Variants in ABCB10 observed in about 807,000 individuals in gnomAD.
ABCB10 encodes the protein ATP-binding cassette sub-family B member 10, mitochondrial.
A neutral mutation model predicts 65.4 loss-of-function variants in ABCB10; 54 were observed. That is an observed-to-expected ratio of 0.83 (90% confidence interval 0.66 to 1.04). The LOEUF is 1.04. Ranked by LOEUF, ABCB10 falls within the 50% of genes least tolerant of loss-of-function variation. The pLI, the probability that ABCB10 is intolerant of heterozygous loss-of-function variation, is 0.00. For synonymous variants in ABCB10, 418 were observed against 406.5 expected, an observed-to-expected ratio of 1.03 and a Z score of -0.34; for missense variants, 846 against 976.6, an observed-to-expected ratio of 0.87 and a Z score of 1.78.
At chr1:229,553,188 G>A (rs1464003722) in intron 1 of ABCB10, among the ~76,000 whole-genome samples, 2 of 152,012 alleles carry the variant, frequency 1.3e-5, no homozygotes, top group East Asian at 3.9e-4. Context: ...TCAGCTCACT[G>A]CAACCTCCAC....
rs1483408148 is a variant in ABCB10 at position 229,518,362 on chromosome 1, T to A, written c.2034A>T (p.Arg678=). 6.2e-7 allele frequency: 1 copy of A among 1,614,216 alleles called. No homozygotes were observed. Among genetic ancestry groups the A allele is most frequent in the Non-Finnish European group, 8.5e-7 (1 of 1,180,040 alleles). ...CTAACACCGTTCTTCCATCCATCAG[T>A]CGATCTAGAGCTTCTTGAACAAGGT... is the stretch of plus-strand genomic sequence containing the variant. The part of the protein sequence containing the change: ...NEYLVQEALD[R]LMDGRTVLVI... Residue 678 remains arginine, a synonymous_variant, in exon 13 of 13, where the codon CGA becomes CGT. Coordinates refer to ENST00000344517, the MANE Select transcript of ABCB10 (RefSeq NM_012089.3).
intron 6 of ABCB10, among the ~76,000 whole-genome samples, chr1:229,539,027 T>C (rs1381395305): frequency 6.6e-6 from 1 of 152,244 alleles, no homozygotes; most frequent in African/African-American, 2.4e-5. Flanking sequence ...TAATTTTGAA[T>C]ATGGTCGACT....
intron 10 of ABCB10, among the ~76,000 whole-genome samples, chr1:229,521,969 T>C (rs1662326500): frequency 6.6e-6 from 1 of 151,562 alleles, no homozygotes; most frequent in Non-Finnish European, 1.5e-5. Flanking sequence ...TGGGCTCAAG[T>C]GATCCTCCCA....
intron 6 of ABCB10, among the ~76,000 whole-genome samples, chr1:229,536,422 A>T (rs1164022183): frequency 6.6e-6 from 1 of 152,072 alleles, no homozygotes; most frequent in African/African-American, 2.4e-5. Context: ...CGGAAGGATC[A>T]CTTGAGCCCA....
rs750438122 is a variant in ABCB10 at position 229,530,377 on chromosome 1, C to A, written c.1467G>T (p.Gln489His). The A allele has an allele frequency of 5.0e-6, 8 of 1,614,170 alleles. No individual in the cohort carries two copies. The East Asian group carries it at 1.8e-4, about 36-fold the overall frequency. ...GCACGTTCTTAAACTCCAAAGCACC[C>A]TGGAAGCTTTTCTCATTTAAGATGA... Reference protein sequence around the residue: ...EGVILNEKSFQGALEFKNVHF... With the variant: ...EGVILNEKSFHGALEFKNVHF... The change falls in exon 8 of 13, where the codon CAG becomes CAT. Residue 489 changes from glutamine to histidine, a missense_variant. Gln to His is a conservative substitution (Grantham distance 24). Around this residue, in one of 2 missense-constraint regions of ABCB10, gnomAD observed 632 missense variants for 803.2 expected, o/e 0.79. Transcript: ENST00000344517.
At chr1:229,518,819 T>C in intron 12 of ABCB10, 22 bp downstream of exon 12, 1 of 1,578,762 alleles carries the variant, frequency 6.3e-7, no homozygotes, top group Non-Finnish European at 8.6e-7. Flanking sequence ...CACAATGGCA[T>C]ATATTATTAA....
rs771398033 is a variant in ABCB10, at chr1:229,542,332, C to CG, written c.960dup (p.Val321ArgfsTer35). 1.9e-6 allele frequency: 3 copies of CG among 1,613,882 alleles called. No individual in the cohort carries two copies. The Admixed American group carries it at 5.0e-5, about 27-fold the overall frequency. On this transcript the variant is annotated frameshift_variant, in exon 4 of 13. Transcript: ENST00000344517. LOFTEE classifies it high-confidence loss of function. ...GCAATGATTGACACTGGAGGCACCACGCTCAAAACAAAGGTGGCCAGATTA... is the reference window on the plus strand; with the variant it reads ...GCAATGATTGACACTGGAGGCACCACGGCTCAAAACAAAGGTGGCCAGATTA...
At chr1:229,518,595 C>T (rs1329824697) in intron 12 of ABCB10, among the ~76,000 whole-genome samples, 185 bp from the exon 13 acceptor site, 1 of 152,192 alleles carries the variant, frequency 6.6e-6, no homozygotes. Flanking sequence ...TGCACAGTTA[C>T]AGCTTACAGA....
At chr1:229,547,136 TAC>T (rs990397401) in intron 3 of ABCB10, among the ~76,000 whole-genome samples, 7 of 152,094 alleles carry the variant, frequency 4.6e-5, no homozygotes, top group African/African-American at 1.7e-4. Flanking sequence ...CAGTTCGACT[TAC>T]ACACACAGAG....
At chr1:229,548,643 G>A (rs1413980867) in intron 2 of ABCB10, among the ~76,000 whole-genome samples, 1 of 151,878 alleles carries the variant, frequency 6.6e-6, no homozygotes, top group Non-Finnish European at 1.5e-5. Context: ...TTCATGGCCA[G>A]GGGCCTCATT....
intron 1 of ABCB10, chr1:229,549,886 T>C: frequency 5.5e-6 from 1 of 180,780 alleles, no homozygotes; most frequent in Non-Finnish European, 1.2e-5. Context: ...TGATTACATC[T>C]AGTATCTCAA....
At position 229,558,373 on chromosome 1, in the gene ABCB10, C is replaced by A; in HGVS notation, c.280G>T (p.Ala94Ser). 1 of 1,251,858 alleles carries A rather than the reference C, an allele frequency of 8.0e-7. No homozygotes were observed. The highest frequency in any genetic ancestry group is 1.0e-6 in the Non-Finnish European group (1 of 987,328). 77.5% of individuals were successfully genotyped at this position (1,251,858 alleles called of 1,614,324 possible). Residue 94 changes from alanine (A) to serine (S), a missense_variant, in exon 1 of 13, where the codon GCT becomes TCT. Around this residue, in one of 2 missense-constraint regions of ABCB10, gnomAD observed 214 missense variants for 173.5 expected, o/e 1.23. Transcript: ENST00000344517. ...CACCTGCAGCTGCCGGGGCCGCGAG[C>A]CCACAGCCCCAGGAGCCGCGCGAGG... ...LGLARLLGLWARGPGSCRCGA... is the reference protein window; with the variant it reads ...LGLARLLGLWSRGPGSCRCGA...
chr1:229,549,478 A>G, intron 1 of ABCB10, 44 bp from the exon 2 acceptor site: 1 of 1,571,976 alleles, frequency 6.4e-7, no homozygotes, highest in South Asian at 1.1e-5. Flanking sequence ...GCTTCAGCAA[A>G]GGGGCTGCGG....
At chr1:229,553,139 TAG>T (rs369099177) in intron 1 of ABCB10, among the ~76,000 whole-genome samples, 20 of 151,796 alleles carry the variant, frequency 1.3e-4, no homozygotes, top group African/African-American at 3.9e-4. Flanking sequence ...TTTTTTGAGA[TAG>T]AGTTTCCCTC....
At chr1:229,546,360 G>C (rs1662967245) in intron 3 of ABCB10, among the ~76,000 whole-genome samples, 1 of 151,984 alleles carries the variant, frequency 6.6e-6, no homozygotes, top group South Asian at 2.1e-4. Flanking sequence ...TAAGGCTTCT[G>C]GTCAACAGTA....
At chr1:229,518,465 T>G (rs1238025516) in intron 12 of ABCB10, 55 bp from the exon 13 acceptor site, 3 of 1,431,224 alleles carry the variant, frequency 2.1e-6, no homozygotes. Flanking sequence ...ACCCATGTGC[T>G]TCCTGATACA....
At chr1:229,550,483 C>T (rs1320265048) in intron 1 of ABCB10, among the ~76,000 whole-genome samples, 1 of 143,968 alleles carries the variant, frequency 6.9e-6, no homozygotes. Flanking sequence ...CATGATTATG[C>T]CACTGCACTC....
At chr1:229,547,186 G>C (rs1048387927) in intron 3 of ABCB10, among the ~76,000 whole-genome samples, 1 of 152,174 alleles carries the variant, frequency 6.6e-6, no homozygotes, top group Non-Finnish European at 1.5e-5. Flanking sequence ...CACCCACAGG[G>C]TAGTACCCAG....
intron 10 of ABCB10, 70 bp from the exon 11 acceptor site, chr1:229,521,705 C>G: frequency 6.5e-7 from 1 of 1,540,932 alleles, no homozygotes; most frequent in Non-Finnish European, 8.9e-7. Context: ...TTATGATAAA[C>G]CATATAGCAA....
Sources: allele counts gnomAD v4.1 joint callset (sites outside exome capture counted in the v4.1 genomes callset), GRCh38; gene constraint gnomAD v4.1.1; regional missense constraint gnomAD v4.1.1; transcripts MANE v1.5; gene names NCBI Gene and HGNC (gene_info 2026-07-23, HGNC 2026-07-21).